The following XRN2 variants were observed in gnomAD, a reference collection of about 807,000 sequenced individuals.
XRN2 encodes the protein DHM1-like protein.
XRN2 carries 44 observed loss-of-function variants against 138.5 expected under a neutral mutation model. The observed-to-expected ratio is 0.32, with a 90% CI of 0.25 to 0.41. The LOEUF (loss-of-function observed/expected upper bound fraction) is 0.41. Among genes scored for constraint, XRN2 ranks in the 10% least tolerant of loss-of-function variants. The pLI, the probability that XRN2 is intolerant of heterozygous loss-of-function variation, is 1.00. For missense variants in XRN2, 937 were observed against 1,169.3 expected, an observed-to-expected ratio of 0.80 and a Z score of 2.90; for synonymous variants, 354 against 369.4, an observed-to-expected ratio of 0.96 and a Z score of 0.48.
intron 20 of XRN2, among the ~76,000 whole-genome samples, chr20:21,350,866 A>G (rs1568585661): frequency 6.6e-6 from 1 of 152,062 alleles, no homozygotes. Context: ...ATGGAAGTGC[A>G]CCCATTGGGG....
chr20:21,312,128 T>G (rs1448965608), intron 1 of XRN2, among the ~76,000 whole-genome samples: 2 of 152,134 alleles, frequency 1.3e-5, no homozygotes, highest in African/African-American at 4.8e-5. Context: ...TTTTTTGTCT[T>G]TTTGAGAGGA....
chr20:21,330,424 T>C lies in XRN2; in HGVS notation c.428-57T>C. The C allele has an allele frequency of 3.8e-6, 6 of 1,581,578 alleles. No individual in the cohort carries two copies. In the South Asian group the frequency reaches 6.8e-5, roughly 18 times the overall value. On this transcript the variant is annotated intron_variant, in intron 4 of 29. Coordinates refer to ENST00000377191, the MANE Select transcript of XRN2 (RefSeq NM_012255.5). ...TTGTTTTTGTTGTTCTGGCTTAATG[T>C]TGAGTAATTTATCTCACTTTTTATG...
At chr20:21,334,318 G>A (rs1030910056) in intron 13 of XRN2, 133 bp downstream of exon 13, 38 of 715,728 alleles carry the variant, frequency 5.3e-5, no homozygotes, top group Middle Eastern at 4.0e-4. Context: ...GTAATCATGA[G>A]TGGTCAGTGC....
intron 20 of XRN2, among the ~76,000 whole-genome samples, chr20:21,351,154 T>A (rs907164867): frequency 5.9e-5 from 9 of 152,200 alleles, no homozygotes; most frequent in Non-Finnish European, 1.2e-4. Context: ...GTCATTGTGG[T>A]ATACATTATT....
At chr20:21,324,427 C>T (rs1251540892) in intron 1 of XRN2, among the ~76,000 whole-genome samples, 4 of 151,754 alleles carry the variant, frequency 2.6e-5, no homozygotes, top group South Asian at 2.1e-4. Flanking sequence ...CATATGTATT[C>T]GTCCCTGAGC....
intron 3 of XRN2, among the ~76,000 whole-genome samples, 177 bp from the exon 4 acceptor site, chr20:21,328,382 G>T (rs1281628459): frequency 6.6e-6 from 1 of 152,136 alleles, no homozygotes. Context: ...TTGGGTTCTC[G>T]GTCCAAATTT....
chr20:21,384,295 C>T (rs1248430146), intron 28 of XRN2, among the ~76,000 whole-genome samples: 1 of 152,070 alleles, frequency 6.6e-6, no homozygotes, highest in Non-Finnish European at 1.5e-5. Flanking sequence ...AGTTTTTTAC[C>T]TATGAGTGTT....
rs772484961 is a variant in XRN2 at position 21,332,434 on chromosome 20, G to A, written c.852G>A (p.Lys284=). 3 of 1,601,402 alleles carry A rather than the reference G, an allele frequency of 1.9e-6. No homozygotes were observed. Among genetic ancestry groups the A allele is most frequent in the African/African-American group, 2.7e-5 (2 of 73,980 alleles). The change falls in exon 9 of 30, where the codon AAG becomes AAA. Residue 284 remains lysine, a synonymous_variant. Coordinates refer to ENST00000377191, the MANE Select transcript of XRN2 (RefSeq NM_012255.5). ...GTGAAGGTTTGCCAAGAGAAAAGAAGGGAAAGGTAAGAACTTTGAGATGGT... is the reference window on the plus strand; with the variant it reads ...GTGAAGGTTTGCCAAGAGAAAAGAAAGGAAAGGTAAGAACTTTGAGATGGT... ...KDCEGLPREK[K]GKHDELADSL... is the part of the protein sequence containing the mutation.
At chr20:21,330,786 C>T (rs2038197416) in intron 6 of XRN2, 81 bp downstream of exon 6, 11 of 1,308,038 alleles carry the variant, frequency 8.4e-6, no homozygotes, top group Non-Finnish European at 1.1e-5. Flanking sequence ...CATTATTTAT[C>T]CTTCTGCCCT....
At chr20:21,383,925 T>C (rs898227724) in intron 28 of XRN2, among the ~76,000 whole-genome samples, 14 of 152,244 alleles carry the variant, frequency 9.2e-5, no homozygotes, top group African/African-American at 2.7e-4. Flanking sequence ...ATAAAAGTCT[T>C]ACATCACAGA....
intron 13 of XRN2, among the ~76,000 whole-genome samples, chr20:21,336,441 G>A (rs573579332): frequency 1.3e-5 from 2 of 152,246 alleles, no homozygotes; most frequent in East Asian, 1.9e-4. Context: ...CAGCCAGGGC[G>A]ACAGAGCAAG....
rs774157429 is a variant in XRN2, at chr20:21,326,607, T to C, written c.315+6T>C. The C allele has an allele frequency of 6.2e-7, 1 of 1,602,238 alleles. No individual in the cohort carries two copies. Among genetic ancestry groups the C allele is most frequent in the Non-Finnish European group, 8.5e-7 (1 of 1,175,278 alleles). On this transcript the variant is annotated splice_donor_region_variant and intron_variant, in intron 3 of 29. Coordinates refer to ENST00000377191, the MANE Select transcript of XRN2 (RefSeq NM_012255.5). ...ACATGGCAATAGATGGAGTGGTAAG[T>C]GCTAAAATAATTAGAAGCCTCCATT...
At chr20:21,322,119 A>G (rs982720541) in intron 1 of XRN2, among the ~76,000 whole-genome samples, 9 of 152,186 alleles carry the variant, frequency 5.9e-5, no homozygotes, top group African/African-American at 2.2e-4. Flanking sequence ...GGGATACTCC[A>G]GACCTCACAA....
chr20:21,340,766 G>C lies in XRN2; in HGVS notation c.1324G>C (p.Ala442Pro), dbSNP rs778441866. 2.6e-5 allele frequency: 42 copies of C among 1,613,812 alleles called. No homozygotes were observed. Among genetic ancestry groups the C allele is most frequent in the Non-Finnish European group, 3.5e-5 (41 of 1,179,880 alleles). Reference sequence around the variant, plus strand: ...TCCTAGTGGAATATTAACTCCTCATGCCTTGGGTTCAAGAAATTCACCAGG... The same window carrying C: ...TCCTAGTGGAATATTAACTCCTCATCCCTTGGGTTCAAGAAATTCACCAGG... ...FTPSGILTPHALGSRNSPGSQ... is the reference protein window; with the variant it reads ...FTPSGILTPHPLGSRNSPGSQ... Residue 442 changes from alanine to proline, a missense_variant, in exon 15 of 30, where the codon GCC (alanine) becomes CCC (proline). Around this residue, in one of 6 missense-constraint regions of XRN2, gnomAD observed 471 missense variants for 581.2 expected, o/e 0.81. Coordinates refer to ENST00000377191, the MANE Select transcript of XRN2 (RefSeq NM_012255.5).
chr20:21,368,979 G>C (rs1175091260), intron 27 of XRN2, among the ~76,000 whole-genome samples: 1 of 151,970 alleles, frequency 6.6e-6, no homozygotes, highest in Non-Finnish European at 1.5e-5. Context: ...TCATCCTGCT[G>C]TGCTATCAAA....
At chr20:21,357,655 C>A in intron 23 of XRN2, 81 bp from the exon 24 acceptor site, 1 of 1,161,860 alleles carries the variant, frequency 8.6e-7, no homozygotes, top group Non-Finnish European at 1.2e-6. Context: ...TAAAGACTAA[C>A]AAACATAGCA....
At chr20:21,349,588 C>G (rs753935381) in intron 20 of XRN2, 127 bp downstream of exon 20, 1 of 804,260 alleles carries the variant, frequency 1.2e-6, no homozygotes, top group Non-Finnish European at 2.0e-6. Flanking sequence ...ACAAAAAATA[C>G]AAAAATTAGC....
At chr20:21,360,510 A>T (rs1338921001) in intron 24 of XRN2, among the ~76,000 whole-genome samples, 1 of 151,742 alleles carries the variant, frequency 6.6e-6, no homozygotes, top group Admixed American at 6.6e-5. Context: ...CATATTTAAA[A>T]AGCTCAGTTG....
chr20:21,379,135 G>A (rs182606304), intron 27 of XRN2, among the ~76,000 whole-genome samples: 9 of 152,284 alleles, frequency 5.9e-5, no homozygotes, highest in Non-Finnish European at 1.0e-4. Flanking sequence ...AGCTATTGGC[G>A]AAGCTTGGTT....
Sources: gnomAD v4.1 joint callset for allele counts (sites outside exome capture counted in the v4.1 genomes callset) on GRCh38, gnomAD v4.1.1 for gene constraint, gnomAD v4.1.1 regional missense constraint, MANE v1.5 for transcripts, NCBI Gene and HGNC (gene_info 2026-07-23, HGNC 2026-07-21) for gene names.